The following TRDN variants were observed in gnomAD, a reference collection of about 807,000 sequenced individuals.
The protein encoded by TRDN is triadin in skeletal muscle.
TRDN carries 161 observed loss-of-function variants against 149.7 expected under a neutral mutation model. That is an observed-to-expected ratio of 1.08 (90% CI 0.95 to 1.23). The LOEUF (loss-of-function observed/expected upper bound fraction) is 1.23, where lower values mean the gene tolerates loss of function less well. TRDN is among the 50% of genes most tolerant of loss of function. The pLI is 0.00. For missense variants in TRDN, 896 were observed against 823.5 expected, an observed-to-expected ratio of 1.09 and a Z score of -1.08; for synonymous variants, 294 against 250.5, an observed-to-expected ratio of 1.17 and a Z score of -1.64.
chr6:123,324,169 G>C (rs1320814779), intron 23 of TRDN, among the ~76,000 whole-genome samples: 3 of 152,026 alleles, frequency 2.0e-5, no homozygotes, highest in African/African-American at 7.2e-5. Context: ...TTGTTTTTCT[G>C]GGTACCAGTA....
intron 9 of TRDN, among the ~76,000 whole-genome samples, chr6:123,475,106 A>T (rs1777401633): frequency 6.6e-6 from 1 of 151,386 alleles, no homozygotes; most frequent in Non-Finnish European, 1.5e-5. Context: ...TCAAAAAATT[A>T]ATGAATCCAG....
intron 9 of TRDN, chr6:123,470,615 T>C (rs1777099086): frequency 6.6e-6 from 1 of 152,230 alleles, no homozygotes; most frequent in African/African-American, 2.4e-5. Flanking sequence ...CCCACTAAAC[T>C]ATATGGAGTT....
intron 12 of TRDN, chr6:123,433,901 C>G (rs970028561): frequency 6.6e-6 from 1 of 152,138 alleles, no homozygotes; most frequent in African/African-American, 2.4e-5. Flanking sequence ...GACAAGTCAA[C>G]TTGTTAATTG....
intron 8 of TRDN, chr6:123,503,056 T>G: frequency 1.0e-6 from 1 of 985,344 alleles, no homozygotes; most frequent in Non-Finnish European, 1.2e-6. Flanking sequence ...TGAAGTGATA[T>G]ATTTTTGCAA....
At chr6:123,580,929 C>A (rs1461951220) in intron 1 of TRDN, among the ~76,000 whole-genome samples, 1 of 152,004 alleles carries the variant, frequency 6.6e-6, no homozygotes, top group Non-Finnish European at 1.5e-5. Context: ...GAATTCATTT[C>A]TTAATTTAAT....
chr6:123,388,771 T>C (rs1039275395), intron 13 of TRDN, among the ~76,000 whole-genome samples: 1 of 152,104 alleles, frequency 6.6e-6, no homozygotes, highest in South Asian at 2.1e-4. Context: ...GAAAAAAATA[T>C]ATGGAGTTAC....
chr6:123,516,206 A>T lies in TRDN; in HGVS notation c.485T>A (p.Val162Asp). 1 of 1,481,800 alleles carries T rather than the reference A, an allele frequency of 6.7e-7. No individual in the cohort carries two copies. The highest frequency in any genetic ancestry group is 9.1e-7 in the Non-Finnish European group (1 of 1,104,754). 91.8% of individuals were successfully genotyped at this position (1,481,800 alleles called of 1,614,324 possible). Reference protein sequence around the residue: ...EKPERKIQTKVTHKEKEKGKE... With the variant: ...EKPERKIQTKDTHKEKEKGKE... ...TCCTTTTTCTTTTTCTTTGTGTGTA[A>T]CTGAAAAGAAACAGATAAATAGTTT... Residue 162 changes from valine to aspartate, a missense_variant and splice_region_variant, in exon 6 of 41, where the codon GTT becomes GAT. Val to Asp is a radical substitution (Grantham distance 152). Transcript: ENST00000334268.
chr6:123,355,846 G>T (rs1780650825), intron 20 of TRDN, among the ~76,000 whole-genome samples: 1 of 151,604 alleles, frequency 6.6e-6, no homozygotes, highest in Admixed American at 6.6e-5. Flanking sequence ...TGCATAATTT[G>T]TTACATTTAT....
At chr6:123,355,659 C>G (rs1249939476) in intron 20 of TRDN, among the ~76,000 whole-genome samples, 2 of 151,554 alleles carry the variant, frequency 1.3e-5, no homozygotes, top group African/African-American at 4.8e-5. Flanking sequence ...ATAGCAACAA[C>G]AAGAAATCTG....
chr6:123,249,164 A>T (rs1413256474), intron 38 of TRDN, among the ~76,000 whole-genome samples: 1 of 152,158 alleles, frequency 6.6e-6, no homozygotes, highest in Non-Finnish European at 1.5e-5. Flanking sequence ...GAATACATAC[A>T]ATCAGCCAAC....
chr6:123,365,190 A>T (rs1270307901), intron 20 of TRDN, among the ~76,000 whole-genome samples: 1 of 152,160 alleles, frequency 6.6e-6, no homozygotes, highest in Non-Finnish European at 1.5e-5. Flanking sequence ...AATTTCAATA[A>T]CTTAATTGCT....
intron 1 of TRDN, among the ~76,000 whole-genome samples, chr6:123,590,592 G>A (rs1045998139): frequency 5.3e-5 from 8 of 151,890 alleles, no homozygotes; most frequent in Non-Finnish European, 7.4e-5. Flanking sequence ...GTGAAACCCC[G>A]TCTCTACTAA....
At chr6:123,336,451 C>T (rs1779872852) in intron 22 of TRDN, among the ~76,000 whole-genome samples, 1 of 151,964 alleles carries the variant, frequency 6.6e-6, no homozygotes. Context: ...ATTACCACAC[C>T]TTTAAAGGCA....
chr6:123,262,729 CT>C (rs1776816040), intron 33 of TRDN, among the ~76,000 whole-genome samples: 1 of 152,012 alleles, frequency 6.6e-6, no homozygotes, highest in Non-Finnish European at 1.5e-5. Flanking sequence ...TTTGGTGATT[CT>C]CACAATATTT....
chr6:123,324,304 A>G (rs1779361068), intron 23 of TRDN, among the ~76,000 whole-genome samples: 1 of 152,102 alleles, frequency 6.6e-6, no homozygotes, highest in South Asian at 2.1e-4. Flanking sequence ...CAGTAGAAAT[A>G]ATATATTTTT....
At chr6:123,315,133 CA>C (rs370057017) in intron 24 of TRDN, among the ~76,000 whole-genome samples, 3 of 151,942 alleles carry the variant, frequency 2.0e-5, no homozygotes, top group Admixed American at 1.3e-4. Flanking sequence ...CAATGTTATG[CA>C]AAGAGGAAAG....
chr6:123,298,300 T>A, intron 24 of TRDN, among the ~76,000 whole-genome samples: 1 of 152,178 alleles, frequency 6.6e-6, no homozygotes, highest in South Asian at 2.1e-4. Flanking sequence ...CCTCCATTTC[T>A]GCCTTCATTG....
At chr6:123,238,135 G>A (rs1775855795) in intron 38 of TRDN, among the ~76,000 whole-genome samples, 1 of 152,084 alleles carries the variant, frequency 6.6e-6, no homozygotes, top group Admixed American at 6.5e-5. Flanking sequence ...TCTACCCAAG[G>A]CAATTTCATA....
intron 1 of TRDN, among the ~76,000 whole-genome samples, chr6:123,597,116 T>A (rs1784072960): frequency 6.6e-6 from 1 of 152,070 alleles, no homozygotes; most frequent in South Asian, 2.1e-4. Flanking sequence ...TCAAAAACAT[T>A]TGGGATTCAA....
Sources: gnomAD v4.1 joint callset for allele counts (sites outside exome capture counted in the v4.1 genomes callset) on GRCh38, gnomAD v4.1.1 for gene constraint, MANE v1.5 for transcripts, NCBI Gene and HGNC (gene_info 2026-07-23, HGNC 2026-07-21) for gene names.